GRID1: variants seen among roughly 807,000 people sequenced by gnomAD.
GRID1 encodes the protein glutamate ionotropic receptor delta type subunit 1, also known as glutamate receptor ionotropic, delta-1.
In GRID1, 28 loss-of-function variants were observed where a neutral mutation model predicts 98.0. That is an observed-to-expected ratio of 0.29 (90% CI 0.21 to 0.39). GRID1 has a LOEUF of 0.39. GRID1 is among the 10% of genes least tolerant of loss of function. The pLI is 1.00. For synonymous variants in GRID1, 553 were observed against 538.5 expected (o/e 1.03, Z -0.37); for missense variants, 1,111 against 1,340.5 (o/e 0.83, Z 2.67).
rs1044035693 is a variant in GRID1, at chr10:86,189,412, C to T, written c.520+16952G>A. On this transcript the variant is annotated intron_variant, in intron 3 of 15. Coordinates refer to ENST00000327946, the MANE Select transcript of GRID1 (RefSeq NM_017551.3). Reference sequence around the variant, plus strand: ...TCACTGCTACCACCCCCAGTAAGCCCTCATCACCATCCCAGAAGTCCTGAC... The same window carrying T: ...TCACTGCTACCACCCCCAGTAAGCCTTCATCACCATCCCAGAAGTCCTGAC... Among the ~76,000 whole-genome samples the T allele has an allele frequency of 4.3e-4, 65 of 151,998 alleles. 1 individual carries two copies. The highest frequency in any genetic ancestry group is 7.9e-4 in the Non-Finnish European group (54 of 67,996).
At chr10:86,027,683 C>A (rs539026496) in intron 4 of GRID1, among the ~76,000 whole-genome samples, 1 of 152,150 alleles carries the variant, frequency 6.6e-6, no homozygotes, top group Non-Finnish European at 1.5e-5. Flanking sequence ...CCATTTGAGA[C>A]CAAGTTTCCT....
chr10:85,981,107 CAG>C (rs1183346294), intron 4 of GRID1, among the ~76,000 whole-genome samples: 1 of 152,174 alleles, frequency 6.6e-6, no homozygotes, highest in Admixed American at 6.5e-5. Context: ...CACAGCCCGA[CAG>C]AGGCCCATGA....
At chr10:86,309,298 G>A (rs1011635006) in intron 2 of GRID1, among the ~76,000 whole-genome samples, 7 of 152,142 alleles carry the variant, frequency 4.6e-5, no homozygotes, top group African/African-American at 7.2e-5. Context: ...CATCCATTAA[G>A]GGCCCCCCTC....
At chr10:85,958,969 AAAAGAAAG>A (rs1020855090) in intron 4 of GRID1, among the ~76,000 whole-genome samples, 5 of 151,174 alleles carry the variant, frequency 3.3e-5, no homozygotes, top group Middle Eastern at 3.4e-3. Context: ...AAAAAAAAAA[AAAAGAAAG>A]AAAGAAAGAA....
chr10:85,912,106 T>G (rs1841547438), intron 5 of GRID1, among the ~76,000 whole-genome samples: 1 of 152,222 alleles, frequency 6.6e-6, no homozygotes, highest in Admixed American at 6.5e-5. Flanking sequence ...ATCTATTCCT[T>G]GCTCAGGGCA....
chr10:85,908,831 T>C (rs1251076794), intron 5 of GRID1, among the ~76,000 whole-genome samples: 1 of 152,126 alleles, frequency 6.6e-6, no homozygotes, highest in Non-Finnish European at 1.5e-5. Context: ...CGGATTGGCA[T>C]AAAGACAGAA....
intron 4 of GRID1, among the ~76,000 whole-genome samples, chr10:85,939,283 A>G (rs1385064077): frequency 6.6e-6 from 1 of 152,224 alleles, no homozygotes; most frequent in Non-Finnish European, 1.5e-5. Flanking sequence ...CTTTCTTATT[A>G]GCTTATAGAC....
At position 86,137,399 on chromosome 10, in the gene GRID1, AAT is replaced by A. The variant is rs147218214; in HGVS notation, c.726+1418_726+1419del. Reference sequence around the variant, plus strand: ...CCCACATCCATTCAACTCCAAAGCCAATAGTCTTTCCACCCCCAAGCTTCACA... The same window carrying A: ...CCCACATCCATTCAACTCCAAAGCCAAGTCTTTCCACCCCCAAGCTTCACA... On this transcript the variant is annotated intron_variant, in intron 4 of 15. Coordinates refer to ENST00000327946, the MANE Select transcript of GRID1 (RefSeq NM_017551.3). Among the ~76,000 whole-genome samples the A allele has an allele frequency of 6.2e-3, 951 of 152,320 alleles. 8 individuals are homozygous for A. Among genetic ancestry groups the A allele is most frequent in the African/African-American group, 0.022 (912 of 41,570 alleles).
intron 4 of GRID1, among the ~76,000 whole-genome samples, chr10:85,951,133 C>G (rs1006967420): frequency 1.3e-5 from 2 of 152,214 alleles, no homozygotes; most frequent in Non-Finnish European, 2.9e-5. Context: ...GGAAACATCT[C>G]AAGCAAGACC....
intron 4 of GRID1, among the ~76,000 whole-genome samples, chr10:85,968,561 A>AG (rs1025789028): frequency 6.6e-6 from 1 of 152,128 alleles, no homozygotes; most frequent in African/African-American, 2.4e-5. Flanking sequence ...AATATAAAGA[A>AG]GGGGGAGGAA....
intron 15 of GRID1, among the ~76,000 whole-genome samples, chr10:85,607,820 T>G (rs866976817): frequency 1.5e-4 from 22 of 150,242 alleles, no homozygotes; most frequent in East Asian, 1.4e-3. Flanking sequence ...TTTTTTTTTT[T>G]TTTGTTTGTT....
chr10:86,022,862 G>A (rs896071322), intron 4 of GRID1, among the ~76,000 whole-genome samples: 3 of 150,456 alleles, frequency 2.0e-5, no homozygotes, highest in Non-Finnish European at 4.4e-5. Context: ...AGGTTGCAGT[G>A]AGCCAAGATC....
At chr10:86,042,968 C>T (rs1393328378) in intron 4 of GRID1, among the ~76,000 whole-genome samples, 2 of 151,900 alleles carry the variant, frequency 1.3e-5, no homozygotes, top group African/African-American at 4.8e-5. Flanking sequence ...GCCTGTATTC[C>T]CAGCTACTCG....
intron 2 of GRID1, among the ~76,000 whole-genome samples, chr10:86,305,209 C>G (rs1189405244): frequency 6.6e-6 from 1 of 152,108 alleles, no homozygotes; most frequent in Non-Finnish European, 1.5e-5. Context: ...AGGTCTCCAG[C>G]CTGCTCTGCA....
At chr10:85,838,031 T>C (rs1254850514) in intron 8 of GRID1, among the ~76,000 whole-genome samples, 3 of 152,170 alleles carry the variant, frequency 2.0e-5, no homozygotes, top group Non-Finnish European at 2.9e-5. Flanking sequence ...CAAGTATTAA[T>C]AGCAGAAGAC....
chr10:85,869,431 C>A (rs1021420586), intron 5 of GRID1, among the ~76,000 whole-genome samples: 2 of 152,206 alleles, frequency 1.3e-5, no homozygotes, highest in Non-Finnish European at 2.9e-5. Flanking sequence ...CACTGGTGCA[C>A]TGGTTTCCAC....
At chr10:86,120,066 T>A (rs146771460) in intron 4 of GRID1, among the ~76,000 whole-genome samples, 261 of 152,204 alleles carry the variant, frequency 1.7e-3, no homozygotes, top group African/African-American at 5.8e-3. Context: ...CCCAAAGTGC[T>A]GAGATTACAG....
intron 4 of GRID1, among the ~76,000 whole-genome samples, chr10:86,095,722 G>T (rs1420601123): frequency 2.6e-5 from 4 of 152,140 alleles, no homozygotes; most frequent in African/African-American, 9.7e-5. Context: ...GTAGATGTTG[G>T]CGCAGATGTG....
chr10:86,111,556 T>C (rs976659715), intron 4 of GRID1, among the ~76,000 whole-genome samples: 1 of 152,234 alleles, frequency 6.6e-6, no homozygotes, highest in African/African-American at 2.4e-5. Flanking sequence ...GATATATGTG[T>C]TCTATAAATT....
Sources: gnomAD v4.1 joint callset for allele counts (sites outside exome capture counted in the v4.1 genomes callset) on GRCh38, gnomAD v4.1.1 for gene constraint, MANE v1.5 for transcripts, NCBI Gene and HGNC (gene_info 2026-07-23, HGNC 2026-07-21) for gene names.